Variants in COX7B2 observed in about 807,000 individuals in gnomAD.
The protein encoded by COX7B2 is cytochrome c oxidase subunit 7B2, mitochondrial.
For missense variants in COX7B2, 109 were observed against 95.9 expected, an observed-to-expected ratio of 1.14 and a Z score of -0.57; for synonymous variants, 37 against 32.1, an observed-to-expected ratio of 1.15 and a Z score of -0.51.
chr4:46,760,006 G>A (rs1348531918), intron 2 of COX7B2, among the ~76,000 whole-genome samples: 6 of 151,616 alleles, frequency 4.0e-5, no homozygotes, highest in African/African-American at 7.3e-5. Flanking sequence ...GAATATTACC[G>A]TAACAGAAAC....
chr4:46,795,558 T>C (rs1191881038), intron 2 of COX7B2, among the ~76,000 whole-genome samples: 7 of 143,236 alleles, frequency 4.9e-5, no homozygotes, highest in Non-Finnish European at 1.0e-4. Flanking sequence ...CATTGATCTA[T>C]ATCTCTGTTT....
intron 2 of COX7B2, among the ~76,000 whole-genome samples, chr4:46,807,470 G>C (rs959030968): frequency 6.6e-6 from 1 of 151,782 alleles, no homozygotes; most frequent in East Asian, 1.9e-4. Context: ...CTGTCATTTT[G>C]CTTTGCTATT....
intron 1 of COX7B2, among the ~76,000 whole-genome samples, chr4:46,891,388 G>T (rs1577705088): frequency 6.6e-6 from 1 of 152,194 alleles, no homozygotes; most frequent in East Asian, 1.9e-4. Context: ...CAGAGCCTCG[G>T]GACTTCAACA....
chr4:46,820,986 GA>G (rs1284326497), intron 2 of COX7B2, among the ~76,000 whole-genome samples: 1 of 151,968 alleles, frequency 6.6e-6, no homozygotes, highest in African/African-American at 2.4e-5. Flanking sequence ...CGAAACCTGA[GA>G]ATCTGAATTT....
intron 1 of COX7B2, among the ~76,000 whole-genome samples, chr4:46,847,176 G>A (rs1343770551): frequency 6.6e-6 from 1 of 152,050 alleles, no homozygotes; most frequent in Non-Finnish European, 1.5e-5. Flanking sequence ...ACCTTCTCGT[G>A]TTCACATCCC....
intron 1 of COX7B2, among the ~76,000 whole-genome samples, chr4:46,899,135 T>C (rs187390280): frequency 3.9e-5 from 6 of 152,316 alleles, no homozygotes; most frequent in East Asian, 1.9e-4. Flanking sequence ...CCTTCTCCTC[T>C]ACTAAAAATT....
At chr4:46,788,899 G>A (rs978971066) in intron 2 of COX7B2, among the ~76,000 whole-genome samples, 2 of 152,100 alleles carry the variant, frequency 1.3e-5, no homozygotes, top group Non-Finnish European at 2.9e-5. Flanking sequence ...TTATCCTCAG[G>A]GTGGTAGAGA....
At chr4:46,782,661 C>T (rs1209560049) in intron 2 of COX7B2, among the ~76,000 whole-genome samples, 1 of 152,182 alleles carries the variant, frequency 6.6e-6, no homozygotes, top group Admixed American at 6.6e-5. Context: ...GTCTGCGCCA[C>T]TTTTAAGAGC....
At chr4:46,809,746 T>C (rs1273892928) in intron 2 of COX7B2, among the ~76,000 whole-genome samples, 1 of 151,952 alleles carries the variant, frequency 6.6e-6, no homozygotes, top group Admixed American at 6.6e-5. Context: ...TGGAAAGTTC[T>C]GTATATGTCT....
intron 1 of COX7B2, among the ~76,000 whole-genome samples, chr4:46,908,737 G>GAAAAAA (rs529389203): frequency 2.2e-5 from 1 of 45,714 alleles, no homozygotes; most frequent in Non-Finnish European, 5.2e-5. Flanking sequence ...AAGGAAAGTG[G>GAAAAAA]CAAAAAAAAA....
intron 1 of COX7B2, among the ~76,000 whole-genome samples, chr4:46,902,912 T>A (rs186468479): frequency 1.2e-4 from 18 of 152,100 alleles, no homozygotes; most frequent in East Asian, 1.2e-3. Context: ...AATAAAAAAT[T>A]TGTAGTCATT....
At chr4:46,890,606 T>C (rs1267841296) in intron 1 of COX7B2, among the ~76,000 whole-genome samples, 3 of 152,194 alleles carry the variant, frequency 2.0e-5, no homozygotes, top group Non-Finnish European at 2.9e-5. Context: ...TTTAGTGAAG[T>C]CTTATCTGAC....
chr4:46,877,027 A>T (rs1718384605), intron 1 of COX7B2, among the ~76,000 whole-genome samples: 1 of 152,176 alleles, frequency 6.6e-6, no homozygotes, highest in African/African-American at 2.4e-5. Context: ...AACTAAAACC[A>T]TTAGCAGTAA....
At chr4:46,834,470 G>C (rs932625841) in intron 2 of COX7B2, among the ~76,000 whole-genome samples, 1 of 152,060 alleles carries the variant, frequency 6.6e-6, no homozygotes, top group Non-Finnish European at 1.5e-5. Flanking sequence ...AGCACATTTG[G>C]AAATTGTGTA....
chr4:46,742,488 C>T (rs1410634654), intron 2 of COX7B2, among the ~76,000 whole-genome samples: 4 of 152,084 alleles, frequency 2.6e-5, no homozygotes, highest in Non-Finnish European at 4.4e-5. Flanking sequence ...TCAGCCATTT[C>T]ATAACAGGAA....
chr4:46,787,672 G>C (rs1468008129), intron 2 of COX7B2, among the ~76,000 whole-genome samples: 1 of 152,128 alleles, frequency 6.6e-6, no homozygotes, highest in Non-Finnish European at 1.5e-5. Flanking sequence ...AGATGCAAGG[G>C]CTAAGGAAAC....
chr4:46,872,654 C>G (rs1297750414), intron 1 of COX7B2, among the ~76,000 whole-genome samples: 1 of 152,024 alleles, frequency 6.6e-6, no homozygotes, highest in African/African-American at 2.4e-5. Context: ...AGTTCTATTG[C>G]ATAGCATTAA....
At chr4:46,835,794 T>C (rs1284028913) in intron 2 of COX7B2, among the ~76,000 whole-genome samples, 9 of 152,150 alleles carry the variant, frequency 5.9e-5, no homozygotes, top group Admixed American at 5.2e-4. Context: ...TTCATCAACG[T>C]ACAAAAATCA....
intron 2 of COX7B2, among the ~76,000 whole-genome samples, chr4:46,743,224 C>T (rs1221844938): frequency 2.0e-5 from 3 of 152,164 alleles, no homozygotes; most frequent in African/African-American, 2.4e-5. Flanking sequence ...ATTACAGTAC[C>T]TTTCAAATAT....
Sources: gnomAD v4.1 joint callset for allele counts (sites outside exome capture counted in the v4.1 genomes callset) on GRCh38, gnomAD v4.1.1 for gene constraint, MANE v1.5 for transcripts, NCBI Gene and HGNC (gene_info 2026-07-23, HGNC 2026-07-21) for gene names.